TMEM131: variants seen among roughly 807,000 people sequenced by gnomAD.
The protein encoded by TMEM131 is transmembrane protein 131, also known as 2610524E03Rik.
TMEM131 carries 66 observed loss-of-function variants against 211.6 expected under a neutral mutation model. The ratio of observed to expected loss-of-function variants is 0.31; its 90% CI spans 0.26 to 0.38. The LOEUF is 0.38. Ranked by LOEUF, TMEM131 falls within the 10% of genes least tolerant of loss-of-function variation. The probability of loss-of-function intolerance (pLI) is 1.00; values close to 1 mark genes in which losing one functional copy is unlikely to be tolerated. For synonymous variants in TMEM131, 844 were observed against 841.3 expected, an observed-to-expected ratio of 1.00 and a Z score of -0.06; for missense variants, 2,036 against 2,299.3, an observed-to-expected ratio of 0.89 and a Z score of 2.34.
At chr2:97,843,691 T>C (rs1268166143) in intron 6 of TMEM131, among the ~76,000 whole-genome samples, 1 of 152,176 alleles carries the variant, frequency 6.6e-6, no homozygotes, top group Non-Finnish European at 1.5e-5. Flanking sequence ...ATGGCTGATA[T>C]ACAAAAAGAT....
chr2:97,759,898 A>G, intron 38 of TMEM131, 149 bp from the exon 39 acceptor site: 1 of 636,238 alleles, frequency 1.6e-6, no homozygotes, highest in South Asian at 1.9e-5. Context: ...GAGCTGAACA[A>G]TGGCTGCTTA....
At chr2:97,912,039 G>A (rs182326384) in intron 2 of TMEM131, among the ~76,000 whole-genome samples, 142 of 152,216 alleles carry the variant, frequency 9.3e-4, no homozygotes, top group Non-Finnish European at 1.7e-3. Flanking sequence ...CAAAAGGATT[G>A]CATCAAACAA....
At chr2:97,864,815 G>T (rs968930800) in intron 4 of TMEM131, among the ~76,000 whole-genome samples, 3 of 152,146 alleles carry the variant, frequency 2.0e-5, no homozygotes, top group African/African-American at 7.2e-5. Context: ...GAAGGCTTCC[G>T]AACTTTATTA....
At chr2:97,869,972 G>C (rs1258819133) in intron 4 of TMEM131, among the ~76,000 whole-genome samples, 1 of 152,158 alleles carries the variant, frequency 6.6e-6, no homozygotes, top group African/African-American at 2.4e-5. Flanking sequence ...GTTCATTCTG[G>C]TTGTTGATAA....
At chr2:97,794,893 G>A (rs1309085214) in intron 29 of TMEM131, 37 bp downstream of exon 29, 4 of 1,516,954 alleles carry the variant, frequency 2.6e-6, no homozygotes, top group Middle Eastern at 1.7e-4. Context: ...AGTGTTAAAT[G>A]TTGAATGAAT....
At chr2:97,830,528 GA>G (rs1484824716) in intron 11 of TMEM131, among the ~76,000 whole-genome samples, 1 of 152,046 alleles carries the variant, frequency 6.6e-6, no homozygotes, top group Non-Finnish European at 1.5e-5. Context: ...AGCAAATAAG[GA>G]AAAAAGCACT....
In TMEM131 at chr2:97,919,982, C is replaced by T. The variant is rs954201881; in HGVS notation, c.249+7444G>A. 4.6e-5 allele frequency among the ~76,000 whole-genome samples: 7 copies of T among 152,208 alleles called. No homozygotes were observed. In the South Asian group the frequency reaches 8.3e-4, roughly 18 times the overall value. On this transcript the variant is annotated intron_variant, in intron 2 of 40. Coordinates refer to ENST00000186436, the MANE Select transcript of TMEM131 (RefSeq NM_015348.2). ...GGCTACCAGCCTCCACCTATGTACTCTGGGATCAACTGTGGCATTTGAGGT... is the reference window on the plus strand; with the variant it reads ...GGCTACCAGCCTCCACCTATGTACTTTGGGATCAACTGTGGCATTTGAGGT...
intron 1 of TMEM131, among the ~76,000 whole-genome samples, chr2:97,985,264 G>A (rs1679973633): frequency 6.6e-6 from 1 of 151,864 alleles, no homozygotes; most frequent in South Asian, 2.1e-4. Context: ...AAGCAATAAT[G>A]CATAAAAACA....
chr2:97,867,400 A>C (rs578108433), intron 4 of TMEM131, among the ~76,000 whole-genome samples: 1 of 152,120 alleles, frequency 6.6e-6, no homozygotes, highest in Non-Finnish European at 1.5e-5. Flanking sequence ...TATAATTGTT[A>C]TATCTCCCTG....
chr2:97,982,922 C>T (rs1353421271), intron 1 of TMEM131, among the ~76,000 whole-genome samples: 2 of 152,196 alleles, frequency 1.3e-5, no homozygotes, highest in African/African-American at 4.8e-5. Flanking sequence ...AGCACAGCCC[C>T]AACACCCTTG....
At chr2:97,884,228 T>G (rs1230531527) in intron 4 of TMEM131, among the ~76,000 whole-genome samples, 1 of 152,236 alleles carries the variant, frequency 6.6e-6, no homozygotes, top group African/African-American at 2.4e-5. Context: ...ATTTGTAGTT[T>G]TGAATGTTCC....
intron 1 of TMEM131, among the ~76,000 whole-genome samples, chr2:97,945,936 T>A (rs1678015952): frequency 6.6e-6 from 1 of 152,148 alleles, no homozygotes; most frequent in African/African-American, 2.4e-5. Context: ...GAGGTTGGTA[T>A]CCTTACTGTA....
intron 4 of TMEM131, among the ~76,000 whole-genome samples, chr2:97,881,218 GA>G (rs1241244930): frequency 6.6e-6 from 1 of 151,062 alleles, no homozygotes; most frequent in Non-Finnish European, 1.5e-5. Context: ...TGGCATAGAA[GA>G]TGGGCGTTTC....
chr2:97,839,544 A>T (rs1032942571), intron 7 of TMEM131, among the ~76,000 whole-genome samples: 1 of 152,216 alleles, frequency 6.6e-6, no homozygotes, highest in Non-Finnish European at 1.5e-5. Flanking sequence ...TTTAGGAAAA[A>T]AAGGAAGCCA....
rs569018818 is a variant in TMEM131 at position 97,925,950 on chromosome 2, A to G, written c.249+1476T>C. Among the ~76,000 whole-genome samples, 5 of 152,048 alleles carry G rather than the reference A, an allele frequency of 3.3e-5. No homozygotes were observed. The South Asian group carries it at 1.0e-3, about 32-fold the overall frequency. ...ATGGTGAAACCCCGTCTGTACTAAA[A>G]ATACAAAAAAAATTAGCTGGGCATG... On this transcript the variant is annotated intron_variant, in intron 2 of 40. Coordinates refer to ENST00000186436, the MANE Select transcript of TMEM131 (RefSeq NM_015348.2).
intron 1 of TMEM131, among the ~76,000 whole-genome samples, chr2:97,935,836 C>T (rs34974566): frequency 7.2e-4 from 109 of 152,040 alleles, no homozygotes; most frequent in African/African-American, 2.5e-3. Flanking sequence ...AATGTTAATA[C>T]ATTTTTAAAA....
At chr2:97,827,555 C>T (rs903191483) in intron 11 of TMEM131, 7 of 953,398 alleles carry the variant, frequency 7.3e-6, no homozygotes, top group Admixed American at 1.7e-5. Flanking sequence ...GATTAATAAC[C>T]ATATACCATG....
At chr2:97,804,577 C>T (rs1681197209) in intron 22 of TMEM131, among the ~76,000 whole-genome samples, 1 of 144,114 alleles carries the variant, frequency 6.9e-6, no homozygotes. Flanking sequence ...GCAGGAGAAT[C>T]ACGCCACTGC....
chr2:97,906,099 A>G (rs1573538953), intron 3 of TMEM131, among the ~76,000 whole-genome samples: 1 of 152,226 alleles, frequency 6.6e-6, no homozygotes, highest in Non-Finnish European at 1.5e-5. Flanking sequence ...CACCTAAGGT[A>G]TATGTTAGTG....
Sources: gnomAD v4.1 joint callset for allele counts (sites outside exome capture counted in the v4.1 genomes callset) on GRCh38, gnomAD v4.1.1 for gene constraint, MANE v1.5 for transcripts, NCBI Gene and HGNC (gene_info 2026-07-23, HGNC 2026-07-21) for gene names.